PNLDC1: variants seen among roughly 807,000 people sequenced by gnomAD.
PNLDC1 encodes the protein poly(A)-specific ribonuclease PNLDC1.
A neutral mutation model predicts 82.0 loss-of-function variants in PNLDC1; 70 were observed. The observed-to-expected ratio is 0.85, with a 90% CI of 0.70 to 1.04. The LOEUF (loss-of-function observed/expected upper bound fraction) is 1.04. PNLDC1 is among the 50% of genes least tolerant of loss of function. The pLI is 0.00. For missense variants in PNLDC1, 631 were observed against 661.1 expected (o/e 0.95, Z 0.50); for synonymous variants, 280 against 249.3 (o/e 1.12, Z -1.16).
chr6:159,820,163 T>G (rs1275326563), intron 18 of PNLDC1, among the ~76,000 whole-genome samples: 1 of 152,094 alleles, frequency 6.6e-6, no homozygotes, highest in East Asian at 1.9e-4. Flanking sequence ...TTGCTGTCAG[T>G]TGAGCTGGGT....
chr6:159,804,766 C>CA, intron 6 of PNLDC1, 129 bp downstream of exon 6: 2 of 648,844 alleles, frequency 3.1e-6, no homozygotes, highest in Non-Finnish European at 5.3e-6. Flanking sequence ...GCTTCAGCTG[C>CA]CTGTGCAGCT....
At position 159,806,103 on chromosome 6, in the gene PNLDC1, C is replaced by G. The variant is rs762442657; in HGVS notation, c.562+20C>G. ...TCACTGGTAGGCAGGGCCTGTTCCT[C>G]CCAACGCAGGAGCATTGGGACAGGT... On this transcript the variant is annotated intron_variant, in intron 7 of 18. Coordinates refer to ENST00000392167, the MANE Select transcript of PNLDC1 (RefSeq NM_001271862.2). 1 of 1,584,886 alleles carries G rather than the reference C, an allele frequency of 6.3e-7. No individual in the cohort carries two copies.
In PNLDC1 at chr6:159,817,231, C is replaced by T; in HGVS notation, c.1157+80C>T. 12 of 1,269,498 alleles carry T rather than the reference C, an allele frequency of 9.5e-6. No homozygotes were observed. In the South Asian group the frequency reaches 1.4e-4, roughly 15 times the overall value. The allele number at this position is 1,269,498 out of a possible 1,614,324, so 78.6% of individuals were successfully genotyped here. Reference sequence around the variant, plus strand: ...GCCCTTGCTGGAAGCCAACACCTCTCCAGTCCCAGGGTTCTACCAAAGAAG... The same window carrying T: ...GCCCTTGCTGGAAGCCAACACCTCTTCAGTCCCAGGGTTCTACCAAAGAAG... On this transcript the variant is annotated intron_variant, in intron 15 of 18. Coordinates refer to ENST00000392167, the MANE Select transcript of PNLDC1 (RefSeq NM_001271862.2).
rs747054818 is a variant in PNLDC1 at position 159,810,138 on chromosome 6, C to A, written c.853+43C>A. ...ATTTCTCTTCCTTCACGCTAGTTTG[C>A]CATCTGGCAGAGGGATTGGTACACA... On this transcript the variant is annotated intron_variant, in intron 10 of 18. Coordinates refer to ENST00000392167, the MANE Select transcript of PNLDC1 (RefSeq NM_001271862.2). The A allele has an allele frequency of 1.9e-6, 3 of 1,557,630 alleles. No homozygotes were observed. The South Asian group carries it at 3.3e-5, about 17-fold the overall frequency.
chr6:159,813,933 G>A (rs958608471), intron 12 of PNLDC1, among the ~76,000 whole-genome samples: 3 of 152,066 alleles, frequency 2.0e-5, no homozygotes, highest in Non-Finnish European at 4.4e-5. Flanking sequence ...TCTCGCCCCT[G>A]TCACCAGCAA....
rs919815450 is a variant in PNLDC1 at position 159,804,449 on chromosome 6, C to T, written c.373-100C>T. The T allele has an allele frequency of 2.6e-5, 21 of 811,062 alleles. No individual in the cohort carries two copies. The East Asian group carries it at 3.4e-4, about 13-fold the overall frequency. The allele number at this position is 811,062 out of a possible 1,614,324, so 50.2% of individuals were successfully genotyped here. A position where few individuals can be genotyped will look rare whatever the true frequency, so the allele number is the denominator to read the frequency against. ...TCTAGACGAACTGGCTTATACAGCCCGTCTCCTTTCCCCTTTCTACCTGTC... is the reference window on the plus strand; with the variant it reads ...TCTAGACGAACTGGCTTATACAGCCTGTCTCCTTTCCCCTTTCTACCTGTC... On this transcript the variant is annotated intron_variant, in intron 5 of 18. Coordinates refer to ENST00000392167, the MANE Select transcript of PNLDC1 (RefSeq NM_001271862.2).
At chr6:159,806,198 C>A (rs1434534238) in intron 7 of PNLDC1, 115 bp downstream of exon 7, 18 of 781,942 alleles carry the variant, frequency 2.3e-5, no homozygotes, top group Non-Finnish European at 3.3e-5. Context: ...TGCCTCATGA[C>A]TGAGTCTGAT....
chr6:159,813,703 C>T (rs1562503771), intron 12 of PNLDC1, 47 bp downstream of exon 12: 3 of 1,551,340 alleles, frequency 1.9e-6, no homozygotes, highest in Non-Finnish European at 2.7e-6. Context: ...GCCTTGGTGG[C>T]CTCCCTGTGC....
chr6:159,807,892 A>G (rs1781505814), intron 7 of PNLDC1, among the ~76,000 whole-genome samples: 1 of 151,272 alleles, frequency 6.6e-6, no homozygotes, highest in South Asian at 2.1e-4. Context: ...CCACCTACAC[A>G]TCTGCTTGAG....
intron 11 of PNLDC1, among the ~76,000 whole-genome samples, chr6:159,812,459 G>C (rs73026897): frequency 0.018 from 2,737 of 152,264 alleles, 34 homozygotes; most frequent in Non-Finnish European, 0.031. Context: ...AGAGCACTGG[G>C]GGGGAGGGGG....
rs746272595 is a variant in PNLDC1 at position 159,810,147 on chromosome 6, A to G, written c.853+52A>G. The G allele has an allele frequency of 4.6e-6, 7 of 1,520,424 alleles. No individual in the cohort carries two copies. The Admixed American group carries it at 8.4e-5, about 18-fold the overall frequency. The allele number at this position is 1,520,424 out of a possible 1,614,324, so 94.2% of individuals were successfully genotyped here. A position where few individuals can be genotyped will look rare whatever the true frequency, so the allele number is the denominator to read the frequency against. ...CCTTCACGCTAGTTTGCCATCTGGC[A>G]GAGGGATTGGTACACAATCATACCC... On this transcript the variant is annotated intron_variant, in intron 10 of 18. Coordinates refer to ENST00000392167, the MANE Select transcript of PNLDC1 (RefSeq NM_001271862.2).
At chr6:159,799,470 A>G (rs1157370334), upstream of PNLDC1, among the ~76,000 whole-genome samples, 2 of 147,062 alleles carry the variant, frequency 1.4e-5, no homozygotes, top group African/African-American at 2.5e-5. Flanking sequence ...AATAAAGTAT[A>G]ACGGTAATGT....
intron 8 of PNLDC1, 54 bp downstream of exon 8, chr6:159,808,870 A>G: frequency 1.2e-6 from 2 of 1,604,814 alleles, no homozygotes; most frequent in Admixed American, 1.7e-5. Context: ...CTCTCTCATA[A>G]TTGGCCAAAT....
At position 159,803,370 on chromosome 6, in the gene PNLDC1, C is replaced by T. The variant is rs1477609790; in HGVS notation, c.248+60C>T. The T allele has an allele frequency of 6.6e-6, 10 of 1,512,964 alleles. No individual in the cohort carries two copies. In the Admixed American group the frequency reaches 1.5e-4, roughly 23 times the overall value. 93.7% of individuals were successfully genotyped at this position (1,512,964 alleles called of 1,614,324 possible). A position where few individuals can be genotyped will look rare whatever the true frequency, so the allele number is the denominator to read the frequency against. ...TCCCACCTATGTTCCACAGCTGCCACCTTCAAATTCTGCCTCAGGTGCCCC... is the reference window on the plus strand; with the variant it reads ...TCCCACCTATGTTCCACAGCTGCCATCTTCAAATTCTGCCTCAGGTGCCCC... On this transcript the variant is annotated intron_variant, in intron 4 of 18. Coordinates refer to ENST00000392167, the MANE Select transcript of PNLDC1 (RefSeq NM_001271862.2).
At chr6:159,804,301 A>G (rs1252775123) in intron 5 of PNLDC1, among the ~76,000 whole-genome samples, 1 of 152,160 alleles carries the variant, frequency 6.6e-6, no homozygotes, top group East Asian at 1.9e-4. Flanking sequence ...ACGGGGTTTC[A>G]CCATGTTGGT....
Position 159,809,015 on chromosome 6 carries a change from G to C in PNLDC1, c.640G>C (p.Val214Leu), listed in dbSNP as rs764184043. The change falls in exon 9 of 19, where the codon GTG (valine) becomes CTG (leucine). Residue 214 changes from valine (V) to leucine (L), a missense_variant and splice_region_variant. Val to Leu is a conservative substitution (Grantham distance 32). Coordinates refer to ENST00000392167, the MANE Select transcript of PNLDC1 (RefSeq NM_001271862.2). ...CAGGGAATTTGTCCCTGCTTTTCAG[G>C]TGGTAGTGAAGAAAGTGAGTAAACA... Reference protein sequence around the residue: ...NIWTVLKDEGVVVKKVSKQHR... With the variant: ...NIWTVLKDEGLVVKKVSKQHR... 2 of 1,612,066 alleles carry C rather than the reference G, an allele frequency of 1.2e-6. No individual in the cohort carries two copies. Among genetic ancestry groups the C allele is most frequent in the Admixed American group, 3.4e-5 (2 of 59,402 alleles).
At chr6:159,800,186 C>A, upstream of PNLDC1, 1 of 897,546 alleles carries the variant, frequency 1.1e-6, no homozygotes, top group South Asian at 1.8e-5. Context: ...GCACGTGGGG[C>A]GGAGGCAGCT....
intron 11 of PNLDC1, among the ~76,000 whole-genome samples, chr6:159,812,483 A>G (rs1781677651): frequency 6.6e-6 from 1 of 152,160 alleles, no homozygotes; most frequent in Non-Finnish European, 1.5e-5. Flanking sequence ...CCTCCTGAAG[A>G]ATCTTGAGAA....
In PNLDC1 at chr6:159,818,967, C is replaced by T. The variant is rs759936192; in HGVS notation, c.1279C>T (p.Pro427Ser). 10 of 1,613,980 alleles carry T rather than the reference C, an allele frequency of 6.2e-6. No individual in the cohort carries two copies. The highest frequency in any genetic ancestry group is 7.6e-6 in the Non-Finnish European group (9 of 1,179,976). Residue 427 changes from proline (P) to serine (S), a missense_variant, in exon 17 of 19, where the codon CCC becomes TCC. By Grantham distance (74) the Pro-to-Ser change is moderately conservative. Transcript: ENST00000392167. ...CTAGAATTTTTCTGGTCCAGATTAT[C>T]CCAGTATCCGACCTCCCATCCTCAT... ...PKINFSGPDY[P>S]SIRPPILILS...
Sources: allele counts gnomAD v4.1 joint callset (sites outside exome capture counted in the v4.1 genomes callset), GRCh38; gene constraint gnomAD v4.1.1; transcripts MANE v1.5; gene names NCBI Gene and HGNC (gene_info 2026-07-23, HGNC 2026-07-21).